The following CSMD1 variants were observed in gnomAD, a reference collection of about 807,000 sequenced individuals.
CSMD1 encodes the protein CUB and sushi domain-containing protein 1.
A neutral mutation model predicts 417.5 loss-of-function variants in CSMD1; 213 were observed. The observed-to-expected ratio is 0.51, with a 90% CI of 0.46 to 0.57. The LOEUF (loss-of-function observed/expected upper bound fraction) is 0.57, where lower values mean the gene tolerates loss of function less well. Ranked by LOEUF, CSMD1 falls within the 20% of genes least tolerant of loss-of-function variation. CSMD1 has a pLI of 0.00. For synonymous variants in CSMD1, 2,862 were observed against 1,736.8 expected, an observed-to-expected ratio of 1.65 and a Z score of -16.11; for missense variants, 6,923 against 4,529.7, an observed-to-expected ratio of 1.53 and a Z score of -15.17.
chr8:4,945,096 C>T (rs764859933), intron 1 of CSMD1, among the ~76,000 whole-genome samples: 59 of 152,248 alleles, frequency 3.9e-4, no homozygotes, highest in Middle Eastern at 3.4e-3. Context: ...ACATAGGCTA[C>T]AACACAGATG....
intron 15 of CSMD1, among the ~76,000 whole-genome samples, chr8:3,399,901 T>G (rs1255820552): frequency 6.6e-6 from 1 of 152,182 alleles, no homozygotes; most frequent in Non-Finnish European, 1.5e-5. Flanking sequence ...AAATGTAAAA[T>G]GACCTTACAT....
At chr8:3,307,408 G>T in intron 25 of CSMD1, among the ~76,000 whole-genome samples, 1 of 38,638 alleles carries the variant, frequency 2.6e-5, no homozygotes, top group Non-Finnish European at 7.0e-5. Context: ...AACCCACGAA[G>T]TCATGATGTT....
chr8:4,421,478 G>C lies in CSMD1; in HGVS notation c.303-1413C>G, dbSNP rs772640464. 2.0e-5 allele frequency among the ~76,000 whole-genome samples: 3 copies of C among 152,190 alleles called. No homozygotes were observed. The South Asian group carries it at 6.2e-4, about 31-fold the overall frequency. On this transcript the variant is annotated intron_variant, in intron 2 of 69. Transcript: ENST00000635120. ...TATATAAAATAACTGAAATCATATA[G>C]CGTGTGTTCTCTGACCACACAGTGG...
intron 1 of CSMD1, among the ~76,000 whole-genome samples, chr8:4,793,699 T>A (rs936121624): frequency 2.0e-5 from 3 of 151,728 alleles, no homozygotes; most frequent in African/African-American, 4.8e-5. Flanking sequence ...CATGGAGAGG[T>A]TGGAGGCCAA....
rs919491851 is a variant in CSMD1, at chr8:3,424,651, A to G, written c.1562-15046T>C. 5.3e-5 allele frequency among the ~76,000 whole-genome samples: 8 copies of G among 152,206 alleles called. 1 individual carries two copies. The East Asian group carries it at 1.5e-3, about 29-fold the overall frequency. ...TCTTATTCATTCAAATAAAGAAAAA[A>G]ATGTGTGTTTCTGTGATTACACAAT... On this transcript the variant is annotated intron_variant, in intron 12 of 69. Transcript: ENST00000635120.
intron 5 of CSMD1, among the ~76,000 whole-genome samples, chr8:3,790,445 T>C (rs1440721927): frequency 1.3e-5 from 2 of 152,160 alleles, no homozygotes; most frequent in Non-Finnish European, 2.9e-5. Flanking sequence ...ATGGTGATGA[T>C]GACACGGTTA....
At chr8:3,375,685 G>C (rs543995166) in intron 18 of CSMD1, among the ~76,000 whole-genome samples, 3 of 152,058 alleles carry the variant, frequency 2.0e-5, no homozygotes, top group African/African-American at 4.8e-5. Flanking sequence ...AGCTGCATAG[G>C]AGAGATTCCA....
At chr8:3,261,780 C>A (rs1801077415) in intron 26 of CSMD1, among the ~76,000 whole-genome samples, 1 of 152,032 alleles carries the variant, frequency 6.6e-6, no homozygotes, top group African/African-American at 2.4e-5. Context: ...CCCTCCACAG[C>A]ACATTTGTGA....
At chr8:3,401,717 A>T (rs1029431232) in intron 15 of CSMD1, among the ~76,000 whole-genome samples, 4 of 151,774 alleles carry the variant, frequency 2.6e-5, no homozygotes, top group Non-Finnish European at 5.9e-5. Context: ...AGGTCTTAGG[A>T]AAGCAATCAA....
intron 3 of CSMD1, among the ~76,000 whole-genome samples, chr8:4,313,589 C>T (rs182718119): frequency 6.6e-6 from 1 of 151,142 alleles, no homozygotes; most frequent in South Asian, 2.1e-4. Context: ...TTGGAATTAA[C>T]TGTCAATGTG....
At chr8:3,283,288 AAAGT>A (rs1315801329) in intron 26 of CSMD1, among the ~76,000 whole-genome samples, 1 of 152,122 alleles carries the variant, frequency 6.6e-6, no homozygotes, top group Non-Finnish European at 1.5e-5. Context: ...TTACATAAAG[AAAGT>A]GTCAGACTGG....
At chr8:4,284,745 T>A (rs1400617687) in intron 3 of CSMD1, among the ~76,000 whole-genome samples, 2 of 152,208 alleles carry the variant, frequency 1.3e-5, no homozygotes, top group African/African-American at 4.8e-5. Flanking sequence ...ATGTGTCAGA[T>A]GATAGCCTTC....
intron 7 of CSMD1, among the ~76,000 whole-genome samples, chr8:3,692,995 A>C (rs1800336502): frequency 6.6e-6 from 1 of 152,220 alleles, no homozygotes. Flanking sequence ...TATCATCAAA[A>C]GTAACATTAA....
chr8:4,958,102 G>A (rs1809242102), intron 1 of CSMD1, among the ~76,000 whole-genome samples: 2 of 152,160 alleles, frequency 1.3e-5, no homozygotes, highest in African/African-American at 4.8e-5. Context: ...ATAAAGTGAT[G>A]TCTCAAATTC....
At chr8:3,172,126 T>C (rs1448116687) in intron 37 of CSMD1, among the ~76,000 whole-genome samples, 1 of 152,340 alleles carries the variant, frequency 6.6e-6, no homozygotes, top group South Asian at 2.1e-4. Flanking sequence ...CCAATTATTC[T>C]TAGAATAAAT....
At chr8:4,518,642 G>A (rs1198124290) in intron 2 of CSMD1, among the ~76,000 whole-genome samples, 1 of 151,148 alleles carries the variant, frequency 6.6e-6, no homozygotes, top group Non-Finnish European at 1.5e-5. Flanking sequence ...GGGAGGAATC[G>A]CATTAGGAGA....
intron 54 of CSMD1, among the ~76,000 whole-genome samples, chr8:2,992,251 G>T (rs1042259134): frequency 3.3e-5 from 5 of 152,070 alleles, no homozygotes; most frequent in African/African-American, 1.2e-4. Context: ...TTGCTGGGAG[G>T]TAGAGGAGTA....
intron 3 of CSMD1, among the ~76,000 whole-genome samples, chr8:4,033,390 C>T (rs935205407): frequency 6.6e-6 from 1 of 152,054 alleles, no homozygotes; most frequent in Non-Finnish European, 1.5e-5. Flanking sequence ...TGCGGTGAGC[C>T]GAGATCGCAC....
intron 3 of CSMD1, among the ~76,000 whole-genome samples, chr8:4,071,517 T>G (rs1169236423): frequency 1.3e-5 from 2 of 152,204 alleles, no homozygotes; most frequent in Non-Finnish European, 2.9e-5. Context: ...TTTACTTATT[T>G]AAGCATAATT....
Sources: allele counts gnomAD v4.1 joint callset (sites outside exome capture counted in the v4.1 genomes callset), GRCh38; gene constraint gnomAD v4.1.1; transcripts MANE v1.5; gene names NCBI Gene and HGNC (gene_info 2026-07-23, HGNC 2026-07-21).